Variants in MLLT10 observed in about 807,000 individuals in gnomAD.
MLLT10 encodes MLLT10 histone lysine methyltransferase DOT1L cofactor.
In MLLT10, 30 loss-of-function variants were observed where a neutral mutation model predicts 129.1. The ratio of observed to expected loss-of-function variants is 0.23; its 90% confidence interval spans 0.17 to 0.32. MLLT10 has a LOEUF of 0.32. MLLT10 is among the 10% of genes least tolerant of loss of function. The pLI, the probability that MLLT10 is intolerant of heterozygous loss-of-function variation, is 1.00. For synonymous variants in MLLT10, 490 were observed against 446.4 expected, an observed-to-expected ratio of 1.10 and a Z score of -1.23; for missense variants, 1,119 against 1,268.3, an observed-to-expected ratio of 0.88 and a Z score of 1.79.
intron 3 of MLLT10, among the ~76,000 whole-genome samples, chr10:21,563,019 A>G (rs1451589243): frequency 6.6e-6 from 1 of 151,696 alleles, no homozygotes; most frequent in Non-Finnish European, 1.5e-5. Context: ...GGGTTTCTCC[A>G]TGTTGGTCAG....
intron 11 of MLLT10, among the ~76,000 whole-genome samples, chr10:21,674,384 C>G (rs949170174): frequency 6.6e-6 from 1 of 151,998 alleles, no homozygotes; most frequent in African/African-American, 2.4e-5. Context: ...ACTTGAATTA[C>G]CCTATCCTGA....
intron 8 of MLLT10, among the ~76,000 whole-genome samples, chr10:21,630,841 C>G (rs2046929352): frequency 6.6e-6 from 1 of 152,158 alleles, no homozygotes; most frequent in African/African-American, 2.4e-5. Context: ...TTTAGGCATA[C>G]TGAAGGAGAG....
At chr10:21,703,837 C>T (rs1412004946) in intron 13 of MLLT10, among the ~76,000 whole-genome samples, 3 of 151,818 alleles carry the variant, frequency 2.0e-5, no homozygotes, top group Admixed American at 6.6e-5. Flanking sequence ...AGCCATCGCA[C>T]CCGGCCCAGA....
intron 21 of MLLT10, among the ~76,000 whole-genome samples, chr10:21,736,417 T>G (rs139373023): frequency 0.03 from 4,622 of 152,270 alleles, 109 homozygotes; most frequent in South Asian, 0.063. Context: ...CCCGAGTAGC[T>G]GGGACTACAG....
intron 3 of MLLT10, among the ~76,000 whole-genome samples, chr10:21,554,010 C>G (rs2037503901): frequency 6.6e-6 from 1 of 152,160 alleles, no homozygotes; most frequent in Non-Finnish European, 1.5e-5. Context: ...AGTATTTTCT[C>G]TTTAACCTGG....
At chr10:21,737,099 A>G (rs1243337961) in intron 21 of MLLT10, among the ~76,000 whole-genome samples, 1 of 90,680 alleles carries the variant, frequency 1.1e-5, no homozygotes, top group East Asian at 4.8e-4. Context: ...GTGCTGGTGC[A>G]TGCCTGTGGT....
At chr10:21,633,235 G>C (rs1292158496) in intron 8 of MLLT10, among the ~76,000 whole-genome samples, 1 of 152,260 alleles carries the variant, frequency 6.6e-6, no homozygotes, top group African/African-American at 2.4e-5. Flanking sequence ...AAATGTCCTG[G>C]CACATATTAA....
chr10:21,731,665 A>G (rs1393470999), intron 17 of MLLT10, among the ~76,000 whole-genome samples: 1 of 152,188 alleles, frequency 6.6e-6, no homozygotes, highest in African/African-American at 2.4e-5. Flanking sequence ...TAATTAGTAT[A>G]TATTATGCTT....
chr10:21,647,661 G>A (rs1021686789), intron 8 of MLLT10, among the ~76,000 whole-genome samples: 10 of 148,808 alleles, frequency 6.7e-5, no homozygotes, highest in Admixed American at 1.3e-4. Context: ...TACTTGGGTT[G>A]CATGTTTCTG....
intron 14 of MLLT10, among the ~76,000 whole-genome samples, chr10:21,717,725 C>T (rs1291814511): frequency 1.8e-4 from 21 of 116,750 alleles, no homozygotes; most frequent in African/African-American, 5.7e-4. Flanking sequence ...CTTCCTCCTC[C>T]TCCTCCTCCT....
At chr10:21,537,122 G>A (rs976392430) in intron 2 of MLLT10, among the ~76,000 whole-genome samples, 8 of 152,128 alleles carry the variant, frequency 5.3e-5, no homozygotes, top group South Asian at 2.1e-4. Flanking sequence ...GGATCTGCCC[G>A]CCTTAGCCTC....
chr10:21,644,293 T>A (rs1340999868), intron 8 of MLLT10, among the ~76,000 whole-genome samples: 4 of 152,226 alleles, frequency 2.6e-5, no homozygotes, highest in African/African-American at 9.6e-5. Flanking sequence ...ATACAGTTTT[T>A]AAAATGTTGT....
At chr10:21,646,512 G>A (rs1461869759) in intron 8 of MLLT10, among the ~76,000 whole-genome samples, 2 of 148,588 alleles carry the variant, frequency 1.3e-5, no homozygotes, top group African/African-American at 2.5e-5. Flanking sequence ...ATGTTTTTTT[G>A]GGGGGGTAGA....
intron 3 of MLLT10, among the ~76,000 whole-genome samples, chr10:21,554,423 C>T (rs1053489883): frequency 1.3e-5 from 2 of 151,210 alleles, no homozygotes; most frequent in Admixed American, 6.6e-5. Flanking sequence ...GGATTATGGG[C>T]GTGCCACTAC....
At chr10:21,676,417 C>CAAAAAAAAAAAAAA in intron 11 of MLLT10, among the ~76,000 whole-genome samples, 2 of 129,616 alleles carry the variant, frequency 1.5e-5, no homozygotes, top group Middle Eastern at 5.2e-3. Flanking sequence ...GACTCCGTCT[C>CAAAAAAAAAAAAAA]AAAAAAAAAA....
chr10:21,732,920 T>TA lies in MLLT10; in HGVS notation c.2241dup (p.His748ThrfsTer6). 6.2e-7 allele frequency: 1 copy of TA among 1,613,886 alleles called. No individual in the cohort carries two copies. The stretch of plus-strand genomic sequence containing the variant: ...GTAGTTTTAGGAATGCTGAAGTCAT[T>TA]ACACCAACTTCAAGTTGAAAACCGA... On this transcript the variant is annotated frameshift_variant, in exon 18 of 23. Transcript: ENST00000307729. LOFTEE classifies it high-confidence loss of function.
At chr10:21,561,570 C>G (rs555671681) in intron 3 of MLLT10, among the ~76,000 whole-genome samples, 45 of 151,670 alleles carry the variant, frequency 3.0e-4, no homozygotes, top group East Asian at 9.9e-4. Flanking sequence ...AGTGGTAGCT[C>G]TTAAGTTTAG....
At chr10:21,593,099 A>ATTTT (rs34081128) in intron 4 of MLLT10, among the ~76,000 whole-genome samples, 1 of 146,014 alleles carries the variant, frequency 6.8e-6, no homozygotes, top group Non-Finnish European at 1.5e-5. Context: ...CCACCCATTG[A>ATTTT]TTTTTTTTTT....
intron 5 of MLLT10, among the ~76,000 whole-genome samples, chr10:21,611,748 C>A (rs1345740530): frequency 6.6e-6 from 1 of 152,132 alleles, no homozygotes; most frequent in African/African-American, 2.4e-5. Flanking sequence ...CTTTGTATCT[C>A]TTGGGCATTT....
Sources: gnomAD v4.1 joint callset for allele counts (sites outside exome capture counted in the v4.1 genomes callset) on GRCh38, gnomAD v4.1.1 for gene constraint, MANE v1.5 for transcripts, NCBI Gene and HGNC (gene_info 2026-07-23, HGNC 2026-07-21) for gene names.